ANKH: variants seen among roughly 807,000 people sequenced by gnomAD.
The protein encoded by ANKH is mineralization regulator ANKH.
In ANKH, 15 loss-of-function variants were observed where a neutral mutation model predicts 49.0. That is an observed-to-expected ratio of 0.31 (90% CI 0.20 to 0.47). ANKH has a LOEUF of 0.47. Among genes scored for constraint, ANKH ranks in the 20% least tolerant of loss-of-function variants. The pLI, the probability that ANKH is intolerant of heterozygous loss-of-function variation, is 1.00. For missense variants in ANKH, 429 were observed against 652.0 expected, an observed-to-expected ratio of 0.66 and a Z score of 3.72; for synonymous variants, 273 against 260.0, an observed-to-expected ratio of 1.05 and a Z score of -0.48.
chr5:14,780,733 A>G (rs1463535089), intron 1 of ANKH, among the ~76,000 whole-genome samples: 1 of 152,178 alleles, frequency 6.6e-6, no homozygotes, highest in Non-Finnish European at 1.5e-5. Flanking sequence ...CTCATCCTAG[A>G]CTAGAAAAAA....
intron 3 of ANKH, 152 bp from the exon 4 acceptor site, chr5:14,756,096 A>G: frequency 2.8e-6 from 2 of 722,502 alleles, no homozygotes; most frequent in East Asian, 2.7e-5. Context: ...TGGTAAAATT[A>G]CTGTAACTTG....
chr5:14,754,813 T>A (rs1377654585), intron 4 of ANKH, among the ~76,000 whole-genome samples: 1 of 152,150 alleles, frequency 6.6e-6, no homozygotes, highest in South Asian at 2.1e-4. Context: ...TGGTGGCTCA[T>A]GCCTGTAATC....
intron 1 of ANKH, among the ~76,000 whole-genome samples, chr5:14,819,898 T>TACACACACACACACAC (rs1188887631): frequency 1.1e-5 from 1 of 87,060 alleles, no homozygotes; most frequent in African/African-American, 4.8e-5. Flanking sequence ...ACAACAAAAA[T>TACACACACACACACAC]ATACACACAC....
rs1737801675 is a variant in ANKH, at chr5:14,725,676, G to T, written c.1012-8841C>A. On this transcript the variant is annotated intron_variant, in intron 8 of 11. Transcript: ENST00000284268. The surrounding 1 kb of genome is among the most constrained non-coding windows in gnomAD (Gnocchi z 4.0). The stretch of plus-strand genomic sequence containing the variant: ...AGTCCTCTGGAGGTGGTGAGATTAG[G>T]ACTGATTGAATTTTCCTCTTTGTAT... 6.6e-6 allele frequency among the ~76,000 whole-genome samples: 1 copy of T among 152,238 alleles called. No homozygotes were observed. The highest frequency in any genetic ancestry group is 1.5e-5 in the Non-Finnish European group (1 of 68,050).
intron 8 of ANKH, among the ~76,000 whole-genome samples, chr5:14,724,849 G>A (rs1737776520): frequency 6.6e-6 from 1 of 152,162 alleles, no homozygotes; most frequent in Non-Finnish European, 1.5e-5. Flanking sequence ...AAGTGCTCGG[G>A]TCTTATTTAA....
chr5:14,711,207 T>G lies in ANKH; in HGVS notation c.1469A>C (p.Glu490Ala). The change falls in exon 12 of 12, where the codon GAG becomes GCG. Residue 490 changes from glutamate to alanine, a missense_variant. Coordinates refer to ENST00000284268, the MANE Select transcript of ANKH (RefSeq NM_054027.6). ...EVTDIVEMREENE is the reference protein window; with the variant it reads ...EVTDIVEMREANE ...ATGGCGTCCCGTGCCTTATTCATTCTCCTCTCTCATTTCCACGATGTCTGT... is the reference window on the plus strand; with the variant it reads ...ATGGCGTCCCGTGCCTTATTCATTCGCCTCTCTCATTTCCACGATGTCTGT... The G allele has an allele frequency of 6.2e-7, 1 of 1,613,956 alleles. No individual in the cohort carries two copies. The highest frequency in any genetic ancestry group is 8.5e-7 in the Non-Finnish European group (1 of 1,179,844).
At chr5:14,828,221 G>A (rs1485623263) in intron 1 of ANKH, among the ~76,000 whole-genome samples, 1 of 152,214 alleles carries the variant, frequency 6.6e-6, no homozygotes, top group Non-Finnish European at 1.5e-5. Flanking sequence ...GCTGGGAGTG[G>A]TGGCTCATGC....
At chr5:14,716,262 CGAG>C (rs1287631349) in intron 9 of ANKH, among the ~76,000 whole-genome samples, 1 of 152,040 alleles carries the variant, frequency 6.6e-6, no homozygotes, top group African/African-American at 2.4e-5. Context: ...AGCACTTTGC[CGAG>C]GAGGAGCACT....
chr5:14,802,291 C>T lies in ANKH; in HGVS notation c.97-33100G>A, dbSNP rs565680111. ...CCGAGACTTGGCATTATCTCTGATG[C>T]TTCTCTCTCCCCTATTCCTCCATTT... On this transcript the variant is annotated intron_variant, in intron 1 of 11. Coordinates refer to ENST00000284268, the MANE Select transcript of ANKH (RefSeq NM_054027.6). Among the ~76,000 whole-genome samples, 11 of 152,008 alleles carry T rather than the reference C, an allele frequency of 7.2e-5. 1 individual carries two copies. In the South Asian group the frequency reaches 2.3e-3, roughly 32 times the overall value.
chr5:14,793,023 T>TATATATATATAAAA (rs1276983003), intron 1 of ANKH, among the ~76,000 whole-genome samples: 1 of 66,604 alleles, frequency 1.5e-5, no homozygotes, highest in African/African-American at 6.1e-5. Context: ...TATATATAAA[T>TATATATATATAAAA]ATATATATAT....
chr5:14,826,544 A>G (rs1741347689), intron 1 of ANKH, among the ~76,000 whole-genome samples: 1 of 152,208 alleles, frequency 6.6e-6, no homozygotes, highest in South Asian at 2.1e-4. Context: ...CTATGGTGGG[A>G]ATTAATAAAT....
intron 1 of ANKH, among the ~76,000 whole-genome samples, chr5:14,815,684 C>A (rs993775321): frequency 6.6e-6 from 1 of 152,126 alleles, no homozygotes; most frequent in Non-Finnish European, 1.5e-5. Context: ...TAACCACTCC[C>A]AGGGCACCCC....
At chr5:14,759,933 T>C (rs1739024207) in intron 2 of ANKH, among the ~76,000 whole-genome samples, 1 of 152,184 alleles carries the variant, frequency 6.6e-6, no homozygotes, top group South Asian at 2.1e-4. Flanking sequence ...ACGAGTGTTT[T>C]AACAGTAGGT....
chr5:14,736,293 C>T (rs564170159), intron 8 of ANKH, among the ~76,000 whole-genome samples: 19 of 152,264 alleles, frequency 1.2e-4, no homozygotes, highest in Admixed American at 8.5e-4. Context: ...ATGACCTCTG[C>T]GTCATCAGAA....
intron 1 of ANKH, among the ~76,000 whole-genome samples, chr5:14,846,238 G>A (rs1055084291): frequency 2.0e-5 from 3 of 152,166 alleles, no homozygotes; most frequent in Non-Finnish European, 2.9e-5. Context: ...GTCAAACTGC[G>A]AGGAGGTCAT....
intron 1 of ANKH, among the ~76,000 whole-genome samples, chr5:14,795,038 G>C (rs1232964832): frequency 6.6e-6 from 1 of 152,208 alleles, no homozygotes; most frequent in Non-Finnish European, 1.5e-5. Flanking sequence ...AAAAATGCCT[G>C]GATGCAAGTC....
chr5:14,768,319 A>G (rs2126510317), intron 2 of ANKH: 1 of 153,644 alleles, frequency 6.5e-6, no homozygotes, highest in East Asian at 1.9e-4. Flanking sequence ...CCAGGTAAGC[A>G]AAGCTGTTTT....
chr5:14,721,917 G>C (rs1361435359), intron 8 of ANKH, among the ~76,000 whole-genome samples: 23 of 103,104 alleles, frequency 2.2e-4, no homozygotes, highest in Admixed American at 1.2e-3. Context: ...GCGACAGAGC[G>C]AGACTCCGTC....
intron 1 of ANKH, among the ~76,000 whole-genome samples, chr5:14,805,485 TACACACAC>T (rs111728811): frequency 7.6e-6 from 1 of 132,138 alleles, no homozygotes; most frequent in Non-Finnish European, 1.6e-5. Flanking sequence ...GTTTATAGGA[TACACACAC>T]ACACACACAC....
Sources: gnomAD v4.1 joint callset for allele counts (sites outside exome capture counted in the v4.1 genomes callset) on GRCh38, gnomAD v4.1.1 for gene constraint, Gnocchi (gnomAD v3.1) non-coding constraint, MANE v1.5 for transcripts, NCBI Gene and HGNC (gene_info 2026-07-23, HGNC 2026-07-21) for gene names.